ALKBH2: variants seen among roughly 807,000 people sequenced by gnomAD.
The protein encoded by ALKBH2 is alkB homolog 2, alpha-ketoglutarate dependent dioxygenase, also known as DNA oxidative demethylase ALKBH2.
Under a neutral mutation model 19.7 loss-of-function variants are expected in ALKBH2, and 19 were observed. The ratio of observed to expected loss-of-function variants is 0.97; its 90% CI spans 0.67 to 1.42. ALKBH2 has a LOEUF of 1.42. ALKBH2 is among the 40% of genes most tolerant of loss of function. The pLI, the probability that ALKBH2 is intolerant of heterozygous loss-of-function variation, is 0.00. For synonymous variants in ALKBH2, 135 were observed against 131.2 expected (o/e 1.03, Z -0.20); for missense variants, 310 against 328.5 (o/e 0.94, Z 0.43).
intron 2 of ALKBH2, among the ~76,000 whole-genome samples, chr12:109,090,702 A>G (rs551706961): frequency 6.6e-6 from 1 of 152,204 alleles, no homozygotes; most frequent in Non-Finnish European, 1.5e-5. Flanking sequence ...TGCCCGGCTA[A>G]CTTTTTTTGT....
At chr12:109,089,840 T>G (rs2042032395) in intron 3 of ALKBH2, 169 bp downstream of exon 3, 2 of 650,096 alleles carry the variant, frequency 3.1e-6, no homozygotes, top group African/African-American at 3.6e-5. Flanking sequence ...TACTCCGGGA[T>G]GAGCTCCAGG....
Position 109,092,533 on chromosome 12 carries a change from A to C in ALKBH2, c.254T>G (p.Leu85Trp). 6.3e-7 allele frequency: 1 copy of C among 1,596,778 alleles called. No homozygotes were observed. The highest frequency in any genetic ancestry group is 8.5e-7 in the Non-Finnish European group (1 of 1,169,872). ...TGTAAAATATTCTACTTCTTTCTCC[A>C]ACTCTTGGAAAATCTCATCTGCCTC... ...KAEADEIFQE[L>W]EKEVEYFTGA... The change falls in exon 2 of 4, where the codon TTG (leucine) becomes TGG (tryptophan). Residue 85 changes from leucine (L) to tryptophan (W), a missense_variant. Leu to Trp is a moderately conservative substitution (Grantham distance 61). Transcript: ENST00000429722.
intron 2 of ALKBH2, 167 bp downstream of exon 2, chr12:109,092,340 C>A (rs1466086217): frequency 9.1e-7 from 1 of 1,100,106 alleles, no homozygotes; most frequent in African/African-American, 1.6e-5. Context: ...TCCCAAGCAC[C>A]TAAGGGGCTT....
Position 109,092,798 on chromosome 12 carries a change from A to G in ALKBH2, c.-12T>C. The G allele has an allele frequency of 1.9e-6, 3 of 1,598,884 alleles. No homozygotes were observed. Among genetic ancestry groups the G allele is most frequent in the Non-Finnish European group, 2.6e-6 (3 of 1,173,774 alleles). On this transcript the variant is annotated 5_prime_UTR_variant, in exon 2 of 4. Coordinates refer to ENST00000429722, the MANE Select transcript of ALKBH2 (RefSeq NM_001145374.2). ...AGGAATCTGTCCATCCTGTCCCCAC[A>G]GGAAAGAAGGGACGTCAGTGGCGAG...
chr12:109,088,395 A>G lies in ALKBH2; in HGVS notation c.597T>C (p.His199=). 1 of 1,613,796 alleles carries G rather than the reference A, an allele frequency of 6.2e-7. No individual in the cohort carries two copies. Reference sequence around the variant, plus strand: ...AGGGGCTTTTCCCACGGGAATCCTTATGCCGGAAGACAAAGTCTCTGCAGG... The same window carrying G: ...AGGGGCTTTTCCCACGGGAATCCTTGTGCCGGAAGACAAAGTCTCTGCAGG... ...FGACRDFVFR[H]KDSRGKSPSR... The change falls in exon 4 of 4, where the codon CAT becomes CAC. Residue 199 remains histidine (H), a synonymous_variant. Transcript: ENST00000429722. The surrounding 1 kb of genome is among the most constrained non-coding windows in gnomAD (Gnocchi z 4.2).
intron 3 of ALKBH2, chr12:109,089,720 G>C: frequency 4.9e-6 from 2 of 405,168 alleles, no homozygotes; most frequent in South Asian, 4.6e-5. Context: ...TTGAGACCAA[G>C]CCTGGGCAAC....
intron 3 of ALKBH2, among the ~76,000 whole-genome samples, chr12:109,089,089 C>G (rs2042016893): frequency 6.6e-6 from 1 of 152,204 alleles, no homozygotes; most frequent in Non-Finnish European, 1.5e-5. Context: ...TCTATGTAAA[C>G]CTTTATCACA....
Position 109,088,573 on chromosome 12 carries a change from C to T in ALKBH2, c.480-61G>A, listed in dbSNP as rs546502713. 1.1e-3 allele frequency: 1,642 copies of T among 1,466,730 alleles called. 1 individual carries two copies. The highest frequency in any genetic ancestry group is 1.3e-3 in the Non-Finnish European group (1,449 of 1,084,394). 90.9% of individuals were successfully genotyped at this position (1,466,730 alleles called of 1,614,324 possible). The stretch of plus-strand genomic sequence containing the variant: ...ACCCTCTCCTGAAACTCACCAGCAC[C>T]GCCAGCCCTCGTTTTCCTCACAGTG... On this transcript the variant is annotated intron_variant, in intron 3 of 3. Transcript: ENST00000429722. The surrounding 1 kb of genome is among the most constrained non-coding windows in gnomAD (Gnocchi z 4.2).
At position 109,092,522 on chromosome 12, in the gene ALKBH2, C is replaced by T; in HGVS notation, c.265G>A (p.Val89Ile). The change falls in exon 2 of 4, where the codon GTA becomes ATA. Residue 89 changes from valine (V) to isoleucine (I), a missense_variant. Coordinates refer to ENST00000429722, the MANE Select transcript of ALKBH2 (RefSeq NM_001145374.2). ...DEIFQELEKE[V>I]EYFTGALARV... ...CTCTGCTTACCTGTAAAATATTCTA[C>T]TTCTTTCTCCAACTCTTGGAAAATC... 2 of 1,586,548 alleles carry T rather than the reference C, an allele frequency of 1.3e-6. No individual in the cohort carries two copies. The highest frequency in any genetic ancestry group is 1.7e-6 in the Non-Finnish European group (2 of 1,164,532).
Position 109,090,103 on chromosome 12 carries a change from G to T in ALKBH2, c.385C>A (p.Leu129Met). The T allele has an allele frequency of 6.2e-7, 1 of 1,614,212 alleles. No individual in the cohort carries two copies. The highest frequency in any genetic ancestry group is 8.5e-7 in the Non-Finnish European group (1 of 1,180,046). ...ACTGGGATCCAGGGCTTTGGAGACA[G>T]CGTGAGGCCTGAAAATGTGTAGGTC... is the stretch of plus-strand genomic sequence containing the variant. Reference protein sequence around the residue: ...GLTYTFSGLTLSPKPWIPVLE... With the variant: ...GLTYTFSGLTMSPKPWIPVLE... Residue 129 changes from leucine (L) to methionine (M), a missense_variant, in exon 3 of 4, where the codon CTG becomes ATG. Coordinates refer to ENST00000429722, the MANE Select transcript of ALKBH2 (RefSeq NM_001145374.2).
At position 109,092,842 on chromosome 12, in the gene ALKBH2, C is replaced by G; in HGVS notation, c.-56G>C. On this transcript the variant is annotated 5_prime_UTR_variant, in exon 2 of 4. Transcript: ENST00000429722. ...TGGCGAGGCCAAGACAGAAATTGCT[C>G]AAGTTCTATCCCCAGTGCAAAAATC... 1.3e-6 allele frequency: 2 copies of G among 1,548,038 alleles called. No homozygotes were observed. Among genetic ancestry groups the G allele is most frequent in the Non-Finnish European group, 1.7e-6 (2 of 1,151,354 alleles).
Position 109,092,495 on chromosome 12 carries a change from C to T in ALKBH2, c.280+12G>A. ...AATGCACACACACACACACACACAC[C>T]CCTCTGCTTACCTGTAAAATATTCT... is the stretch of plus-strand genomic sequence containing the variant. On this transcript the variant is annotated intron_variant, in intron 2 of 3. Transcript: ENST00000429722. 1 of 1,427,342 alleles carries T rather than the reference C, an allele frequency of 7.0e-7. No homozygotes were observed. The allele number at this position is 1,427,342 out of a possible 1,614,324, so 88.4% of individuals were successfully genotyped here.
intron 2 of ALKBH2, among the ~76,000 whole-genome samples, chr12:109,091,201 T>G (rs1233348720): frequency 2.6e-5 from 4 of 152,098 alleles, no homozygotes; most frequent in Non-Finnish European, 5.9e-5. Flanking sequence ...ATTAACAGCC[T>G]GGGTAACACA....
chr12:109,093,469 A>C lies in ALKBH2; in HGVS notation c.-374T>G, dbSNP rs2042097675. The C allele has an allele frequency of 6.6e-6, 1 of 152,254 alleles. No homozygotes were observed. Among genetic ancestry groups the C allele is most frequent in the Admixed American group, 6.5e-5 (1 of 15,290 alleles). The allele number at this position is 152,254 out of a possible 1,614,324, so 9.4% of individuals were successfully genotyped here. A position where few individuals can be genotyped will look rare whatever the true frequency, so the allele number is the denominator to read the frequency against. On this transcript the variant is annotated 5_prime_UTR_variant, in exon 1 of 4. Transcript: ENST00000429722. Reference sequence around the variant, plus strand: ...CACCCTGGTGGCCTCGTGGTGGGAAAGACGCGCCCCAGCGAATCGGTCGCG... The same window carrying C: ...CACCCTGGTGGCCTCGTGGTGGGAACGACGCGCCCCAGCGAATCGGTCGCG...
intron 2 of ALKBH2, 67 bp from the exon 3 acceptor site, chr12:109,090,274 C>G: frequency 5.6e-6 from 8 of 1,439,122 alleles, no homozygotes; most frequent in East Asian, 2.3e-5. Flanking sequence ...ATGCCCCCCC[C>G]AACCCGCACT....
Position 109,088,516 on chromosome 12 carries a change from C to T in ALKBH2, c.480-4G>A, listed in dbSNP as rs201561858. ...GTGGTCACAGCCATCTTTATACCTG[C>T]AATGAGAAAACAAACACAGTGCATA... On this transcript the variant is annotated splice_polypyrimidine_tract_variant and splice_region_variant and intron_variant, in intron 3 of 3. Transcript: ENST00000429722. This position sits in a 1 kb window ranked among gnomAD's most constrained non-coding sequence, Gnocchi z 4.2. 3.4e-3 allele frequency: 5,381 copies of T among 1,577,978 alleles called. 20 individuals carry two copies. The highest frequency in any genetic ancestry group is 7.5e-3 in the Middle Eastern group (44 of 5,866).
intron 2 of ALKBH2, 32 bp downstream of exon 2, chr12:109,092,475 A>G (rs766722656): frequency 2.8e-6 from 3 of 1,054,518 alleles, no homozygotes; most frequent in Non-Finnish European, 4.0e-6. Flanking sequence ...CCCTCAATGC[A>G]CACACACACA....
Position 109,088,457 on chromosome 12 carries a change from C to A in ALKBH2, c.535G>T (p.Ala179Ser). 3 of 1,612,538 alleles carry A rather than the reference C, an allele frequency of 1.9e-6. No individual in the cohort carries two copies. The South Asian group carries it at 3.3e-5, about 18-fold the overall frequency. Residue 179 changes from alanine (A) to serine (S), a missense_variant, in exon 4 of 4, where the codon GCC becomes TCC. Coordinates refer to ENST00000429722, the MANE Select transcript of ALKBH2 (RefSeq NM_001145374.2). The surrounding 1 kb of genome is among the most constrained non-coding windows in gnomAD (Gnocchi z 4.2). ...ACAGAGGCAATGGGGCTCCCAGGGG[C>A]CAGTTCTCTTTCATCATCTCGGTGC... is the stretch of plus-strand genomic sequence containing the variant. ...GEHRDDERELAPGSPIASVSF... is the reference protein window; with the variant it reads ...GEHRDDERELSPGSPIASVSF...
Position 109,092,775 on chromosome 12 carries a change from G to T in ALKBH2, c.12C>A (p.Phe4Leu). ...GGCCCCCTTGAGCCCCTTTCACCAG[G>T]AATCTGTCCATCCTGTCCCCACAGG... The part of the protein sequence containing the change: MDR[F>L]LVKGAQGGLL... Residue 4 changes from phenylalanine to leucine, a missense_variant, in exon 2 of 4, where the codon TTC becomes TTA. Physicochemically the swap from Phe to Leu is conservative, Grantham distance 22. Coordinates refer to ENST00000429722, the MANE Select transcript of ALKBH2 (RefSeq NM_001145374.2). The T allele has an allele frequency of 6.2e-7, 1 of 1,612,820 alleles. No homozygotes were observed. Among genetic ancestry groups the T allele is most frequent in the South Asian group, 1.1e-5 (1 of 90,976 alleles).
Sources: gnomAD v4.1 joint callset for allele counts (sites outside exome capture counted in the v4.1 genomes callset) on GRCh38, gnomAD v4.1.1 for gene constraint, Gnocchi (gnomAD v3.1) non-coding constraint, MANE v1.5 for transcripts, NCBI Gene and HGNC (gene_info 2026-07-23, HGNC 2026-07-21) for gene names.